OPHN1: variants seen among roughly 807,000 people sequenced by gnomAD.
The protein encoded by OPHN1 is oligophrenin 1, also known as oligophrenin-1.
A neutral mutation model predicts 60.7 loss-of-function variants in OPHN1; 11 were observed. The ratio of observed to expected loss-of-function variants is 0.18; its 90% CI spans 0.11 to 0.30. The LOEUF (loss-of-function observed/expected upper bound fraction) is 0.30, where lower values mean the gene tolerates loss of function less well. Ranked by LOEUF, OPHN1 falls within the 10% of genes least tolerant of loss-of-function variation. The pLI is 1.00. For synonymous variants in OPHN1, 226 were observed against 222.6 expected (o/e 1.02, Z -0.14); for missense variants, 449 against 611.0 (o/e 0.73, Z 2.80).
intron 2 of OPHN1, among the ~76,000 whole-genome samples, chrX:68,364,496 G>A (rs995336717): frequency 2.7e-5 from 3 of 111,506 alleles, no homozygotes; most frequent in African/African-American, 6.5e-5. Flanking sequence ...AAATAATAAC[G>A]ATAGACTGCT....
At chrX:68,423,049 G>C (rs1405775517) in intron 2 of OPHN1, among the ~76,000 whole-genome samples, 1 of 104,754 alleles carries the variant, frequency 9.5e-6, no homozygotes, top group Non-Finnish European at 1.9e-5. Flanking sequence ...TTTTTGAGAC[G>C]GAGTCTCGCT....
intron 15 of OPHN1, among the ~76,000 whole-genome samples, chrX:68,179,477 C>A (rs1313152206): frequency 8.9e-6 from 1 of 112,192 alleles, no homozygotes; most frequent in Non-Finnish European, 1.9e-5. Context: ...CCTCTGAATT[C>A]TCTTTCTGAT....
intron 5 of OPHN1, among the ~76,000 whole-genome samples, chrX:68,267,533 G>C (rs1052042647): frequency 8.9e-6 from 1 of 112,262 alleles, no homozygotes; most frequent in Non-Finnish European, 1.9e-5. Flanking sequence ...AAAGCAGTGT[G>C]TAGAGGGAAA....
intron 15 of OPHN1, among the ~76,000 whole-genome samples, chrX:68,177,269 TAA>T (rs2077418388): frequency 9.0e-6 from 1 of 110,527 alleles, no homozygotes; most frequent in Admixed American, 9.8e-5. Context: ...TTCCCAAAAT[TAA>T]AAGAGCTCTG....
At chrX:68,397,512 A>T (rs867476981) in intron 2 of OPHN1, among the ~76,000 whole-genome samples, 678 of 44,674 alleles carry the variant, frequency 0.015, no homozygotes, top group Middle Eastern at 0.017. Flanking sequence ...TTTTTCTTTT[A>T]TTTATTTATT....
intron 15 of OPHN1, among the ~76,000 whole-genome samples, chrX:68,168,177 C>T (rs1052534133): frequency 1.3e-4 from 14 of 110,865 alleles, no homozygotes; most frequent in Non-Finnish European, 2.5e-4. Flanking sequence ...CAGAACTCTC[C>T]ACCCCAAATC....
At chrX:68,398,149 C>T (rs1488048763) in intron 2 of OPHN1, among the ~76,000 whole-genome samples, 1 of 111,706 alleles carries the variant, frequency 9.0e-6, no homozygotes, top group Non-Finnish European at 1.9e-5. Context: ...TTTTTCTCCA[C>T]CTCCATTTAT....
chrX:68,068,242 T>C (rs1419083655), intron 20 of OPHN1, among the ~76,000 whole-genome samples: 2 of 109,026 alleles, frequency 1.8e-5, no homozygotes, highest in African/African-American at 6.7e-5. Context: ...GAGGCCGAGG[T>C]GGGCGAATCA....
chrX:68,321,945 T>G (rs749682922), intron 2 of OPHN1, among the ~76,000 whole-genome samples: 14 of 104,948 alleles, frequency 1.3e-4, no homozygotes, highest in African/African-American at 4.9e-4. Context: ...CCAAACATAT[T>G]TTACATTCTA....
chrX:68,395,691 C>G (rs1334429735), intron 2 of OPHN1, among the ~76,000 whole-genome samples: 1 of 110,907 alleles, frequency 9.0e-6, no homozygotes, highest in Non-Finnish European at 1.9e-5. Context: ...AGGTGATCCA[C>G]CCACCTCGGC....
At chrX:68,174,095 T>G (rs1262852373) in intron 15 of OPHN1, among the ~76,000 whole-genome samples, 1 of 111,896 alleles carries the variant, frequency 8.9e-6, no homozygotes, top group Admixed American at 9.5e-5. Context: ...TCCCTTAAAA[T>G]GCACAGTTAA....
chrX:68,197,798 A>T (rs1293713963), intron 11 of OPHN1, among the ~76,000 whole-genome samples: 1 of 111,883 alleles, frequency 8.9e-6, no homozygotes, highest in Non-Finnish European at 1.9e-5. Flanking sequence ...CAATTTTATG[A>T]CTAATAAAAA....
chrX:68,359,855 C>CACA (rs2078462338), intron 2 of OPHN1, among the ~76,000 whole-genome samples: 1 of 19,225 alleles, frequency 5.2e-5, no homozygotes, highest in African/African-American at 1.3e-4. Context: ...GACTCCGTCT[C>CACA]AAAAAAAAAA....
intron 5 of OPHN1, among the ~76,000 whole-genome samples, chrX:68,238,845 C>T (rs1770525904): frequency 9.0e-6 from 1 of 110,962 alleles, no homozygotes; most frequent in South Asian, 3.8e-4. Context: ...GCTTACAGCT[C>T]CTTAAGCCCC....
At chrX:68,214,170 C>A (rs1010586259) in intron 6 of OPHN1, among the ~76,000 whole-genome samples, 198 bp from the exon 7 acceptor site, 1 of 112,024 alleles carries the variant, frequency 8.9e-6, no homozygotes, top group Non-Finnish European at 1.9e-5. Flanking sequence ...TCTGGTCCAA[C>A]ACATAAAAAG....
chrX:68,218,188 G>T (rs1387859060), intron 6 of OPHN1, among the ~76,000 whole-genome samples: 2 of 100,441 alleles, frequency 2.0e-5, no homozygotes, highest in Non-Finnish European at 4.1e-5. Flanking sequence ...AGCGATGGAA[G>T]ATGAAATGAA....
intron 19 of OPHN1, among the ~76,000 whole-genome samples, chrX:68,086,235 GGA>G (rs1480564206): frequency 9.3e-6 from 1 of 107,828 alleles, no homozygotes; most frequent in Non-Finnish European, 1.9e-5. Context: ...CATAGCATAT[GGA>G]GACTTTCTAA....
intron 15 of OPHN1, among the ~76,000 whole-genome samples, chrX:68,123,761 G>T (rs1372879699): frequency 9.0e-6 from 1 of 110,780 alleles, no homozygotes; most frequent in African/African-American, 3.3e-5. Flanking sequence ...TAAAAAGGAA[G>T]AAATTAAAAT....
intron 2 of OPHN1, among the ~76,000 whole-genome samples, chrX:68,402,354 G>A (rs1387451422): frequency 1.0e-5 from 1 of 100,258 alleles, no homozygotes; most frequent in Non-Finnish European, 2.0e-5. Context: ...AGAAGGAGGA[G>A]AAGGAGAAGG....
Sources: gnomAD v4.1 joint callset for allele counts (sites outside exome capture counted in the v4.1 genomes callset) on GRCh38, gnomAD v4.1.1 for gene constraint, MANE v1.5 for transcripts, NCBI Gene and HGNC (gene_info 2026-07-23, HGNC 2026-07-21) for gene names.